RABEP1: variants seen among roughly 807,000 people sequenced by gnomAD.
The protein encoded by RABEP1 is rabaptin, RAB GTPase binding effector protein 1, also known as rab GTPase-binding effector protein 1.
Under a neutral mutation model 123.4 loss-of-function variants are expected in RABEP1, and 51 were observed. The ratio of observed to expected loss-of-function variants is 0.41; its 90% CI spans 0.33 to 0.52. The LOEUF (loss-of-function observed/expected upper bound fraction) is 0.52, where lower values mean the gene tolerates loss of function less well. RABEP1 is among the 20% of genes least tolerant of loss of function. RABEP1 has a pLI of 0.16. For missense variants in RABEP1, 888 were observed against 996.3 expected, an observed-to-expected ratio of 0.89 and a Z score of 1.46; for synonymous variants, 347 against 355.2, an observed-to-expected ratio of 0.98 and a Z score of 0.26.
At chr17:5,303,095 T>A (rs569578020) in intron 1 of RABEP1, among the ~76,000 whole-genome samples, 1 of 152,260 alleles carries the variant, frequency 6.6e-6, no homozygotes, top group East Asian at 1.9e-4. Flanking sequence ...ATTACAGTCT[T>A]TTTTTCTATA....
At chr17:5,323,546 C>G (rs1417403665) in intron 2 of RABEP1, among the ~76,000 whole-genome samples, 1 of 150,596 alleles carries the variant, frequency 6.6e-6, no homozygotes, top group Admixed American at 6.6e-5. Context: ...TTAATATATA[C>G]CAACAGTGAA....
At chr17:5,361,891 A>G (rs1909580552) in intron 9 of RABEP1, 2 of 529,794 alleles carry the variant, frequency 3.8e-6, no homozygotes, top group Admixed American at 7.1e-5. Flanking sequence ...AGTTAATCAC[A>G]GTGAATGTGA....
In RABEP1 at chr17:5,355,938, C is replaced by T. The variant is rs191175203; in HGVS notation, c.1095+1448C>T. 3.3e-5 allele frequency among the ~76,000 whole-genome samples: 5 copies of T among 152,244 alleles called. No individual in the cohort carries two copies. The East Asian group carries it at 9.6e-4, about 29-fold the overall frequency. On this transcript the variant is annotated intron_variant, in intron 8 of 17. Coordinates refer to ENST00000537505, the MANE Select transcript of RABEP1 (RefSeq NM_004703.6). ...AAGTTTTGGGTACAGCCAATGATTA[C>T]ATAGTGTTTTCATCATGCAGTAATC...
chr17:5,316,693 C>T (rs918751631), intron 2 of RABEP1, among the ~76,000 whole-genome samples: 9 of 150,478 alleles, frequency 6.0e-5, no homozygotes, highest in African/African-American at 1.2e-4. Flanking sequence ...ATTAGCTGGG[C>T]GTGGTGGCAG....
chr17:5,339,182 A>G (rs1198638928), intron 5 of RABEP1, among the ~76,000 whole-genome samples: 1 of 152,190 alleles, frequency 6.6e-6, no homozygotes, highest in Non-Finnish European at 1.5e-5. Context: ...TAGGAACAAA[A>G]GAAGCATAAG....
chr17:5,373,693 AAC>A (rs55736303), intron 13 of RABEP1, among the ~76,000 whole-genome samples: 8,874 of 135,158 alleles, frequency 0.066, 318 homozygotes, highest in Middle Eastern at 0.13. Context: ...ACACCAGCTA[AAC>A]ACACACACAC....
chr17:5,313,554 T>C (rs62075067), intron 2 of RABEP1, among the ~76,000 whole-genome samples: 7,678 of 152,306 alleles, frequency 0.05, 243 homozygotes, highest in Non-Finnish European at 0.069. Context: ...ACTAAGAACC[T>C]CCCATTTCTG....
chr17:5,351,911 C>G (rs769377910), intron 7 of RABEP1, among the ~76,000 whole-genome samples: 6 of 151,940 alleles, frequency 3.9e-5, no homozygotes, highest in Non-Finnish European at 7.4e-5. Flanking sequence ...TTTACCCTTT[C>G]TCCTTGTAGC....
intron 14 of RABEP1, 47 bp from the exon 15 acceptor site, chr17:5,378,130 G>C: frequency 7.0e-7 from 1 of 1,428,156 alleles, no homozygotes; most frequent in African/African-American, 1.4e-5. Flanking sequence ...AAATGTTCAT[G>C]CACAATAATA....
At chr17:5,346,431 C>T (rs943328121) in intron 5 of RABEP1, among the ~76,000 whole-genome samples, 17 of 152,016 alleles carry the variant, frequency 1.1e-4, no homozygotes, top group Admixed American at 4.6e-4. Context: ...AATTAACTAC[C>T]GATTTAAAAA....
chr17:5,341,881 T>A (rs1192999348), intron 5 of RABEP1, among the ~76,000 whole-genome samples: 1 of 152,226 alleles, frequency 6.6e-6, no homozygotes, highest in Non-Finnish European at 1.5e-5. Flanking sequence ...ACTCAATAAC[T>A]TAGTAAAGGG....
chr17:5,351,125 A>C (rs1908511589), intron 7 of RABEP1, among the ~76,000 whole-genome samples: 1 of 149,846 alleles, frequency 6.7e-6, no homozygotes, highest in Non-Finnish European at 1.5e-5. Context: ...GGCCCAGGGA[A>C]GCCAAAAGAT....
intron 6 of RABEP1, among the ~76,000 whole-genome samples, chr17:5,348,066 C>G (rs1425593413): frequency 6.6e-6 from 1 of 151,270 alleles, no homozygotes; most frequent in Non-Finnish European, 1.5e-5. Context: ...CAACCTCCAC[C>G]TCCTGGGTTC....
intron 1 of RABEP1, among the ~76,000 whole-genome samples, chr17:5,296,444 G>A (rs1192130218): frequency 1.3e-5 from 2 of 152,010 alleles, no homozygotes; most frequent in Non-Finnish European, 2.9e-5. Flanking sequence ...TGTATTTTTA[G>A]TAGACTGGGT....
rs188607651 is a variant in RABEP1, at chr17:5,313,843, A to G, written c.163+5021A>G. 2.4e-4 allele frequency among the ~76,000 whole-genome samples: 37 copies of G among 152,362 alleles called. 1 individual carries two copies. In the East Asian group the frequency reaches 6.5e-3, roughly 27 times the overall value. ...TCCTAAAGAAAATGCATAGTATATA[A>G]AAGGTCAATGCTGATTATTAGTTTT... On this transcript the variant is annotated intron_variant, in intron 2 of 17. Coordinates refer to ENST00000537505, the MANE Select transcript of RABEP1 (RefSeq NM_004703.6).
chr17:5,346,253 T>C (rs1908051660), intron 5 of RABEP1, among the ~76,000 whole-genome samples: 1 of 152,204 alleles, frequency 6.6e-6, no homozygotes, highest in African/African-American at 2.4e-5. Flanking sequence ...GTCATTACAG[T>C]GTGAGACTAG....
intron 14 of RABEP1, 122 bp from the exon 15 acceptor site, chr17:5,378,055 C>T (rs934560724): frequency 2.9e-6 from 2 of 691,042 alleles, no homozygotes; most frequent in East Asian, 5.6e-5. Context: ...TTGAGACAGC[C>T]CCCGGAACCC....
intron 16 of RABEP1, 63 bp from the exon 17 acceptor site, chr17:5,381,326 C>T (rs1294787942): frequency 6.3e-7 from 1 of 1,577,970 alleles, no homozygotes; most frequent in Non-Finnish European, 8.6e-7. Context: ...CTACAAGTTA[C>T]TGGATTTCCT....
At chr17:5,324,544 C>T (rs1341639875) in intron 2 of RABEP1, among the ~76,000 whole-genome samples, 1 of 152,076 alleles carries the variant, frequency 6.6e-6, no homozygotes, top group African/African-American at 2.4e-5. Context: ...TGTGTAAGAC[C>T]TCAAAAGCAT....
Sources: allele counts gnomAD v4.1 joint callset (sites outside exome capture counted in the v4.1 genomes callset), GRCh38; gene constraint gnomAD v4.1.1; transcripts MANE v1.5; gene names NCBI Gene and HGNC (gene_info 2026-07-23, HGNC 2026-07-21).